GRIK2: variants seen among roughly 807,000 people sequenced by gnomAD.
GRIK2 encodes glutamate receptor ionotropic, kainate 2.
Under a neutral mutation model 100.3 loss-of-function variants are expected in GRIK2, and 32 were observed. The ratio of observed to expected loss-of-function variants is 0.32; its 90% CI spans 0.24 to 0.43. The LOEUF is 0.43. Among genes scored for constraint, GRIK2 ranks in the 20% least tolerant of loss-of-function variants. GRIK2 has a pLI of 1.00. For synonymous variants in GRIK2, 417 were observed against 389.4 expected (o/e 1.07, Z -0.83); for missense variants, 843 against 1,114.9 (o/e 0.76, Z 3.47).
chr6:102,030,755 CATCTT>C (rs1477562572), intron 14 of GRIK2, among the ~76,000 whole-genome samples: 3 of 151,070 alleles, frequency 2.0e-5, no homozygotes, highest in African/African-American at 7.3e-5. Flanking sequence ...TCCTAGGACT[CATCTT>C]ATCTTCCTCT....
chr6:101,918,127 T>G (rs1309457322), intron 12 of GRIK2, among the ~76,000 whole-genome samples: 1 of 151,698 alleles, frequency 6.6e-6, no homozygotes, highest in African/African-American at 2.4e-5. Context: ...TGCTGTTAAA[T>G]TTTTAAACAA....
rs542178305 is a variant in GRIK2 at position 101,512,929 on chromosome 6, A to T, written c.116-109020A>T. On this transcript the variant is annotated intron_variant, in intron 2 of 16. Coordinates refer to ENST00000369134, the MANE Select transcript of GRIK2 (RefSeq NM_021956.5). ...TAATGATTTTCATGTGTGTAGTACT[A>T]CTACTATTTTCTTGCTTTGCTGTTT... Among the ~76,000 whole-genome samples the T allele has an allele frequency of 2.3e-4, 35 of 152,100 alleles. No individual in the cohort carries two copies. The South Asian group carries it at 4.8e-3, about 21-fold the overall frequency.
At chr6:102,033,159 A>G (rs551126951) in intron 14 of GRIK2, among the ~76,000 whole-genome samples, 1 of 151,450 alleles carries the variant, frequency 6.6e-6, no homozygotes, top group South Asian at 2.1e-4. Context: ...ATTTGTAAAT[A>G]ATTTGGAATA....
At chr6:101,802,295 C>A in intron 8 of GRIK2, 36 bp from the exon 9 acceptor site, 1 of 820,490 alleles carries the variant, frequency 1.2e-6, no homozygotes, top group Non-Finnish European at 1.9e-6. Flanking sequence ...CATCTTTCTT[C>A]ACTTATTTAT....
chr6:101,840,446 A>C (rs1783419306), intron 10 of GRIK2, among the ~76,000 whole-genome samples: 1 of 152,248 alleles, frequency 6.6e-6, no homozygotes, highest in South Asian at 2.1e-4. Flanking sequence ...TTTATTGGAT[A>C]CTCTTAATGA....
chr6:101,426,716 G>T (rs1294854958), intron 2 of GRIK2, among the ~76,000 whole-genome samples: 1 of 152,090 alleles, frequency 6.6e-6, no homozygotes, highest in African/African-American at 2.4e-5. Context: ...TCTATCCTAT[G>T]CACTACTGCC....
chr6:101,871,761 T>C (rs1352142779), intron 11 of GRIK2, among the ~76,000 whole-genome samples: 1 of 152,050 alleles, frequency 6.6e-6, no homozygotes, highest in Non-Finnish European at 1.5e-5. Context: ...TACCACATTT[T>C]CTTTATCCAA....
intron 11 of GRIK2, among the ~76,000 whole-genome samples, chr6:101,861,370 T>A: frequency 6.6e-6 from 1 of 152,320 alleles, no homozygotes; most frequent in Non-Finnish European, 1.5e-5. Flanking sequence ...TATAGCACTA[T>A]AATTATTAAA....
intron 2 of GRIK2, among the ~76,000 whole-genome samples, chr6:101,435,644 T>C (rs912801394): frequency 6.6e-6 from 1 of 152,120 alleles, no homozygotes; most frequent in African/African-American, 2.4e-5. Flanking sequence ...TAGTTGTGTC[T>C]TCTTTCCATG....
intron 2 of GRIK2, among the ~76,000 whole-genome samples, chr6:101,491,681 A>G (rs1017267910): frequency 6.6e-6 from 1 of 151,956 alleles, no homozygotes; most frequent in Non-Finnish European, 1.5e-5. Context: ...TGGTTTACCC[A>G]AAAATATTTC....
At chr6:101,926,274 A>G (rs1225263052) in intron 13 of GRIK2, among the ~76,000 whole-genome samples, 2 of 150,242 alleles carry the variant, frequency 1.3e-5, no homozygotes, top group East Asian at 3.9e-4. Flanking sequence ...TCAAAATAAC[A>G]GAAGTGAATG....
chr6:101,719,059 CAA>C (rs1179948922), intron 7 of GRIK2, among the ~76,000 whole-genome samples: 1 of 144,884 alleles, frequency 6.9e-6, no homozygotes, highest in Non-Finnish European at 1.5e-5. Context: ...TTTCAAAGAA[CAA>C]TATATATGAT....
At chr6:101,541,669 G>A (rs1005533642) in intron 2 of GRIK2, among the ~76,000 whole-genome samples, 13 of 152,012 alleles carry the variant, frequency 8.6e-5, no homozygotes, top group Admixed American at 2.0e-4. Flanking sequence ...ATAAATGAGT[G>A]AATGTACTTA....
intron 14 of GRIK2, among the ~76,000 whole-genome samples, chr6:101,981,404 G>T (rs1793706283): frequency 6.6e-6 from 1 of 151,796 alleles, no homozygotes. Context: ...AATTTAAAAG[G>T]TAATACAGTG....
chr6:101,649,351 C>T (rs972656765), intron 4 of GRIK2, among the ~76,000 whole-genome samples: 2 of 152,096 alleles, frequency 1.3e-5, no homozygotes, highest in Non-Finnish European at 2.9e-5. Context: ...AGTTATGCAA[C>T]GTGCCCAAGG....
intron 7 of GRIK2, among the ~76,000 whole-genome samples, chr6:101,760,400 T>C (rs1398094173): frequency 2.1e-4 from 14 of 66,218 alleles, no homozygotes; most frequent in Non-Finnish European, 2.9e-4. Context: ...TATATTTAAT[T>C]ATATATTTAT....
rs150750665 is a variant in GRIK2, at chr6:101,912,841, A to G, written c.1749-11760A>G. Among the ~76,000 whole-genome samples the G allele has an allele frequency of 5.5e-3, 839 of 151,702 alleles. 4 individuals carry two copies. The highest frequency in any genetic ancestry group is 0.019 in the African/African-American group (798 of 41,488). On this transcript the variant is annotated intron_variant, in intron 12 of 16. Coordinates refer to ENST00000369134, the MANE Select transcript of GRIK2 (RefSeq NM_021956.5). The stretch of plus-strand genomic sequence containing the variant: ...AGTGTTTACAAACCAGTCATATTTT[A>G]GATCCCACCACTCATTCTGTTGAAG...
At chr6:101,503,927 G>T in intron 2 of GRIK2, among the ~76,000 whole-genome samples, 1 of 152,220 alleles carries the variant, frequency 6.6e-6, no homozygotes, top group Non-Finnish European at 1.5e-5. Flanking sequence ...ACTATGTAGA[G>T]ACTATCTGGA....
At chr6:101,847,743 C>A (rs1273708834) in intron 10 of GRIK2, among the ~76,000 whole-genome samples, 1 of 152,058 alleles carries the variant, frequency 6.6e-6, no homozygotes, top group African/African-American at 2.4e-5. Context: ...TTGTCAGGTC[C>A]TTTCTGAGCA....
Sources: allele counts gnomAD v4.1 joint callset (sites outside exome capture counted in the v4.1 genomes callset), GRCh38; gene constraint gnomAD v4.1.1; transcripts MANE v1.5; gene names NCBI Gene and HGNC (gene_info 2026-07-23, HGNC 2026-07-21).